The following CAPN12 variants were observed in gnomAD, a reference collection of about 807,000 sequenced individuals.
The protein encoded by CAPN12 is calpain-12.
CAPN12 carries 107 observed loss-of-function variants against 95.0 expected under a neutral mutation model. That is an observed-to-expected ratio of 1.13 (90% confidence interval 0.96 to 1.32). The LOEUF (loss-of-function observed/expected upper bound fraction) is 1.32. CAPN12 is among the 40% of genes most tolerant of loss of function. CAPN12 has a pLI of 0.00. For missense variants in CAPN12, 1,136 were observed against 997.8 expected, an observed-to-expected ratio of 1.14 and a Z score of -1.87; for synonymous variants, 505 against 415.5, an observed-to-expected ratio of 1.22 and a Z score of -2.62.
chr19:38,733,432 C>G (rs1298902160), intron 18 of CAPN12: 5 of 461,578 alleles, frequency 1.1e-5, no homozygotes, highest in Non-Finnish European at 1.5e-5. Flanking sequence ...CTTCCCCTTC[C>G]TGGAGGGGCC....
rs565899628 is a variant in CAPN12, at chr19:38,732,154, AACAGGCACTC to A, written c.1958-941_1958-932del. On this transcript the variant is annotated intron_variant, in intron 18 of 20. Transcript: ENST00000328867. The stretch of plus-strand genomic sequence containing the variant: ...CTTCCTGGAATAACTCCTGGCATGT[AACAGGCACTC>A]ACTGGTGCCAGATGCGTGAACACAA... Among the ~76,000 whole-genome samples the A allele has an allele frequency of 1.7e-3, 264 of 152,364 alleles. 1 individual carries two copies. Among genetic ancestry groups the A allele is most frequent in the Middle Eastern group, 0.014 (4 of 294 alleles).
At position 38,731,220 on chromosome 19, in the gene CAPN12, A is replaced by G. The variant is rs1458644268; in HGVS notation, c.1961T>C (p.Phe654Ser). The G allele has an allele frequency of 2.5e-6, 4 of 1,612,142 alleles. No individual in the cohort carries two copies. The highest frequency in any genetic ancestry group is 3.4e-6 in the Non-Finnish European group (4 of 1,179,796). ...ELRLALNAAGFHLNNQLTQTL... is the reference protein window; with the variant it reads ...ELRLALNAAGSHLNNQLTQTL... The stretch of plus-strand genomic sequence containing the variant: ...CTGGGTCAGCTGGTTGTTCAGGTGG[A>G]AGCCTAGGGGGAGGCTGCTTCTGAG... Residue 654 changes from phenylalanine (F) to serine (S), a missense_variant, in exon 19 of 21, where the codon TTC becomes TCC. Transcript: ENST00000328867.
intron 5 of CAPN12, 116 bp downstream of exon 5, chr19:38,739,935 G>A (rs775616357): frequency 6.3e-5 from 68 of 1,082,720 alleles, no homozygotes; most frequent in Non-Finnish European, 7.1e-5. Context: ...ATTTATGAGC[G>A]AGCCTAAGCC....
intron 5 of CAPN12, 51 bp downstream of exon 5, chr19:38,740,000 A>C: frequency 6.7e-7 from 1 of 1,491,738 alleles, no homozygotes; most frequent in Non-Finnish European, 8.9e-7. Flanking sequence ...CACACCCCTG[A>C]CTGTGCTCTG....
intron 1 of CAPN12, 89 bp downstream of exon 1, chr19:38,743,840 C>T: frequency 1.5e-6 from 2 of 1,310,212 alleles, no homozygotes; most frequent in Non-Finnish European, 2.1e-6. Context: ...GAGTCCAGGC[C>T]CCCAGCCTTC....
In CAPN12 at chr19:38,734,179, T is replaced by C. The variant is rs753411650; in HGVS notation, c.1841A>G (p.His614Arg). The change falls in exon 17 of 21, where the codon CAC becomes CGC. Residue 614 changes from histidine (H) to arginine (R), a missense_variant. By Grantham distance (29) the His-to-Arg change is conservative. Coordinates refer to ENST00000328867, the MANE Select transcript of CAPN12 (RefSeq NM_144691.4). ...GAGGTAGCCCCAGAGCTGCTGGAAG[T>C]GGTGTAAGGCCAGGCTTTGCCCATG... ...FGHGQSLALH[H>R]FQQLWGYLLE... is the part of the protein sequence containing the mutation. 1 of 1,612,886 alleles carries C rather than the reference T, an allele frequency of 6.2e-7. No homozygotes were observed. Among genetic ancestry groups the C allele is most frequent in the Admixed American group, 1.7e-5 (1 of 59,984 alleles).
At chr19:38,742,268 G>T (rs1194672745) in intron 3 of CAPN12, 142 bp downstream of exon 3, 2 of 706,080 alleles carry the variant, frequency 2.8e-6, no homozygotes, top group Non-Finnish European at 4.8e-6. Flanking sequence ...GGCGAAGGTT[G>T]CAGTGAGCCG....
Position 38,732,336 on chromosome 19 carries a change from CTTT to C in CAPN12, c.1958-1116_1958-1114del, listed in dbSNP as rs373603790. Among the ~76,000 whole-genome samples the C allele has an allele frequency of 3.4e-3, 519 of 152,242 alleles. 2 individuals carry two copies. The highest frequency in any genetic ancestry group is 0.012 in the African/African-American group (504 of 41,550). On this transcript the variant is annotated intron_variant, in intron 18 of 20. Transcript: ENST00000328867. The stretch of plus-strand genomic sequence containing the variant: ...TCTCCCCCTTTGACTTGGGCTTTTT[CTTT>C]TTTCTTTTTTGAGACGGAGTCTCGC...
rs377016599 is a variant in CAPN12, at chr19:38,738,373, G to A, written c.891-26C>T. 3.0e-5 allele frequency: 48 copies of A among 1,611,270 alleles called. 1 individual carries two copies. Among genetic ancestry groups the A allele is most frequent in the Admixed American group, 2.8e-4 (17 of 59,978 alleles). The stretch of plus-strand genomic sequence containing the variant: ...CTGGAGAGACTGTGGTGTGAGGGGC[G>A]GGCAGGTGGGGTCCAGCCCCACACC... On this transcript the variant is annotated intron_variant, in intron 7 of 20. Coordinates refer to ENST00000328867, the MANE Select transcript of CAPN12 (RefSeq NM_144691.4).
At chr19:38,743,898 CCCCAGAG>C (rs772210026) in intron 1 of CAPN12, 24 bp downstream of exon 1, 1 of 1,605,062 alleles carries the variant, frequency 6.2e-7, no homozygotes, top group Non-Finnish European at 8.5e-7. Flanking sequence ...CTCCCTCAGA[CCCCAGAG>C]CCCAGACCCC....
chr19:38,736,065 C>T (rs1388446347), intron 12 of CAPN12, 45 bp downstream of exon 12: 1 of 1,280,296 alleles, frequency 7.8e-7, no homozygotes, highest in Non-Finnish European at 1.0e-6. Context: ...GTCTCGGGGC[C>T]TGTCTAGGCA....
At chr19:38,736,732 T>C in intron 10 of CAPN12, 169 bp from the exon 11 acceptor site, 3 of 791,474 alleles carry the variant, frequency 3.8e-6, no homozygotes, top group Non-Finnish European at 5.9e-6. Context: ...CGCCGACCCC[T>C]CCCCAACTCT....
At position 38,743,987 on chromosome 19, in the gene CAPN12, T is replaced by C. The variant is rs1421324745; in HGVS notation, c.179A>G (p.Tyr60Cys). The change falls in exon 1 of 21, where the codon TAT becomes TGT. Residue 60 changes from tyrosine to cysteine, a missense_variant. Coordinates refer to ENST00000328867, the MANE Select transcript of CAPN12 (RefSeq NM_144691.4). ...CTCCGAGTCCGGCCCCAGCTGGTCATAGCCAAGGGCATCAGGGCCAGCAGG... is the reference window on the plus strand; with the variant it reads ...CTCCGAGTCCGGCCCCAGCTGGTCACAGCCAAGGGCATCAGGGCCAGCAGG... Reference protein sequence around the residue: ...YFPAGPDALGYDQLGPDSEKA... With the variant: ...YFPAGPDALGCDQLGPDSEKA... The C allele has an allele frequency of 1.9e-6, 3 of 1,614,250 alleles. No individual in the cohort carries two copies. The highest frequency in any genetic ancestry group is 2.2e-5 in the South Asian group (2 of 91,084).
rs1262339091 is a variant in CAPN12 at position 38,736,263 on chromosome 19, C to T, written c.1430G>A (p.Arg477His). ...GGCGCTGAGGGGCGAGCGGTCGGCG[C>T]GCAGCAGCCGGGGCAGGAGCGCATG... ...RSHALLPRLL[R>H]ADRSPLSARR... The change falls in exon 12 of 21, where the codon CGC (arginine) becomes CAC (histidine). Residue 477 changes from arginine (R) to histidine (H), a missense_variant. Physicochemically the swap from Arg to His is conservative, Grantham distance 29. Transcript: ENST00000328867. The T allele has an allele frequency of 2.7e-6, 4 of 1,460,982 alleles. No individual in the cohort carries two copies. Among genetic ancestry groups the T allele is most frequent in the South Asian group, 1.4e-5 (1 of 71,162 alleles). 90.5% of individuals were successfully genotyped at this position (1,460,982 alleles called of 1,614,324 possible).
At chr19:38,737,432 G>GA in intron 9 of CAPN12, 43 bp downstream of exon 9, 1 of 1,610,110 alleles carries the variant, frequency 6.2e-7, no homozygotes, top group South Asian at 1.1e-5. Context: ...CGGCCACAGC[G>GA]CCCCCCACCC....
At chr19:38,730,925 G>C in intron 20 of CAPN12, 40 bp downstream of exon 20, 1 of 1,550,498 alleles carries the variant, frequency 6.4e-7, no homozygotes, top group Non-Finnish European at 8.7e-7. Context: ...GAGCTCGCAG[G>C]ACAGAGCCTG....
At position 38,731,212 on chromosome 19, in the gene CAPN12, T is replaced by A. The variant is rs1481269706; in HGVS notation, c.1969A>T (p.Asn657Tyr). Residue 657 changes from asparagine (N) to tyrosine (Y), a missense_variant, in exon 19 of 21, where the codon AAC becomes TAC. Coordinates refer to ENST00000328867, the MANE Select transcript of CAPN12 (RefSeq NM_144691.4). The stretch of plus-strand genomic sequence containing the variant: ...GTGAGGGTCTGGGTCAGCTGGTTGT[T>A]CAGGTGGAAGCCTAGGGGGAGGCTG... Reference protein sequence around the residue: ...LALNAAGFHLNNQLTQTLTSR... With the variant: ...LALNAAGFHLYNQLTQTLTSR... The A allele has an allele frequency of 6.2e-7, 1 of 1,612,644 alleles. No homozygotes were observed. Among genetic ancestry groups the A allele is most frequent in the East Asian group, 2.2e-5 (1 of 44,882 alleles).
rs758624252 is a variant in CAPN12, at chr19:38,731,126, G to A, written c.2055C>T (p.Ala685=). The A allele has an allele frequency of 1.9e-6, 3 of 1,612,514 alleles. No homozygotes were observed. Among genetic ancestry groups the A allele is most frequent in the Non-Finnish European group, 1.7e-6 (2 of 1,179,796 alleles). The change falls in exon 19 of 21, where the codon GCC becomes GCT. Residue 685 remains alanine (A), a synonymous_variant. Transcript: ENST00000328867. ...ACTCACAGAAGATGCAGGTGAGGTG[G>A]GCCACACAGGACACGAACCGCTCGA... The part of the protein sequence containing the change: ...VDFERFVSCV[A]HLTCIFCHCS...
At chr19:38,742,918 A>G (rs1360854226) in intron 2 of CAPN12, 115 bp downstream of exon 2, 2 of 800,052 alleles carry the variant, frequency 2.5e-6, no homozygotes, top group African/African-American at 1.7e-5. Flanking sequence ...CTAGGGAGAG[A>G]AGAGACTGAG....
Sources: allele counts gnomAD v4.1 joint callset (sites outside exome capture counted in the v4.1 genomes callset), GRCh38; gene constraint gnomAD v4.1.1; transcripts MANE v1.5; gene names NCBI Gene and HGNC (gene_info 2026-07-23, HGNC 2026-07-21).